The following CHN2 variants were observed in gnomAD, a reference collection of about 807,000 sequenced individuals.
CHN2 encodes beta-chimaerin.
In CHN2, 35 loss-of-function variants were observed where a neutral mutation model predicts 56.3. The ratio of observed to expected loss-of-function variants is 0.62; its 90% CI spans 0.47 to 0.82. The LOEUF is 0.82. Among genes scored for constraint, CHN2 ranks in the 40% least tolerant of loss-of-function variants. The pLI is 0.00. For missense variants in CHN2, 491 were observed against 580.5 expected (o/e 0.85, Z 1.58); for synonymous variants, 210 against 212.8 (o/e 0.99, Z 0.12).
intron 2 of CHN2, among the ~76,000 whole-genome samples, chr7:29,365,125 G>A (rs1799047339): frequency 6.6e-6 from 1 of 152,192 alleles, no homozygotes; most frequent in African/African-American, 2.4e-5. Context: ...ACGTACCATA[G>A]TTAATTTAAC....
chr7:29,172,354 T>C (rs986611073), intron 2 of CHN2, among the ~76,000 whole-genome samples: 1 of 152,236 alleles, frequency 6.6e-6, no homozygotes, highest in Non-Finnish European at 1.5e-5. Context: ...TTGTGACTTC[T>C]ACACCTAGGC....
At chr7:29,154,796 C>T (rs1031297658) in intron 2 of CHN2, among the ~76,000 whole-genome samples, 1 of 152,220 alleles carries the variant, frequency 6.6e-6, no homozygotes, top group Admixed American at 6.5e-5. Flanking sequence ...GATTACGCCA[C>T]TGCACTCCAG....
intron 6 of CHN2, among the ~76,000 whole-genome samples, chr7:29,458,389 A>G (rs1052617065): frequency 1.3e-5 from 2 of 148,342 alleles, no homozygotes; most frequent in Non-Finnish European, 3.0e-5. Context: ...ACACACACAC[A>G]CACACACACA....
At chr7:29,306,885 T>A (rs1321278422) in intron 1 of CHN2, among the ~76,000 whole-genome samples, 1 of 152,220 alleles carries the variant, frequency 6.6e-6, no homozygotes, top group East Asian at 1.9e-4. Context: ...TCTAACACAA[T>A]AATGAGTGTT....
intron 1 of CHN2, among the ~76,000 whole-genome samples, chr7:29,270,427 G>A (rs889605361): frequency 2.9e-5 from 3 of 105,128 alleles, no homozygotes; most frequent in African/African-American, 1.2e-4. Flanking sequence ...GCTGAGATGG[G>A]TGGATCATTT....
At chr7:29,459,478 C>T (rs559315967) in intron 6 of CHN2, among the ~76,000 whole-genome samples, 2 of 152,274 alleles carry the variant, frequency 1.3e-5, no homozygotes, top group East Asian at 3.9e-4. Context: ...AGCTCGCCTC[C>T]CCTGCAGGTT....
intron 3 of CHN2, among the ~76,000 whole-genome samples, chr7:29,384,272 T>C (rs1468484414): frequency 6.6e-6 from 1 of 152,210 alleles, no homozygotes; most frequent in Admixed American, 6.5e-5. Flanking sequence ...ATATCTGTTA[T>C]CCTTGAGCAA....
At position 29,194,827 on chromosome 7, in the gene CHN2, C is replaced by A; in HGVS notation, c.-115C>A. The A allele has an allele frequency of 1.0e-6, 1 of 964,930 alleles. No individual in the cohort carries two copies. The highest frequency in any genetic ancestry group is 1.4e-6 in the Non-Finnish European group (1 of 718,028). 59.8% of individuals were successfully genotyped at this position (964,930 alleles called of 1,614,324 possible). ...CGGAGGCTGGTGCTTTCTGCGCGTCCCCAGGACTTTGCCATGGGCTGGGGG... is the reference window on the plus strand; with the variant it reads ...CGGAGGCTGGTGCTTTCTGCGCGTCACCAGGACTTTGCCATGGGCTGGGGG... On this transcript the variant is annotated 5_prime_UTR_variant, in exon 1 of 13. Coordinates refer to ENST00000222792, the MANE Select transcript of CHN2 (RefSeq NM_004067.4).
intron 3 of CHN2, among the ~76,000 whole-genome samples, chr7:29,374,837 C>T (rs1385668532): frequency 6.7e-6 from 1 of 149,236 alleles, no homozygotes; most frequent in Admixed American, 6.7e-5. Flanking sequence ...TCCTTCCTTC[C>T]TTCCTTCCTT....
intron 1 of CHN2, among the ~76,000 whole-genome samples, chr7:29,238,175 G>A (rs1442240757): frequency 2.0e-5 from 3 of 151,614 alleles, no homozygotes; most frequent in Non-Finnish European, 2.9e-5. Flanking sequence ...GTGCCACCAC[G>A]CCCGGCTAAT....
chr7:29,423,229 T>G (rs1356479239), intron 6 of CHN2, among the ~76,000 whole-genome samples: 1 of 152,216 alleles, frequency 6.6e-6, no homozygotes, highest in Non-Finnish European at 1.5e-5. Flanking sequence ...TGGCCAGACT[T>G]GTCTCCCCTG....
At chr7:29,442,441 T>G (rs1783714614) in intron 6 of CHN2, among the ~76,000 whole-genome samples, 1 of 152,184 alleles carries the variant, frequency 6.6e-6, no homozygotes, top group Non-Finnish European at 1.5e-5. Context: ...GGGCTTTTAT[T>G]TCGAAGGTGG....
chr7:29,494,466 A>G (rs898106735), intron 7 of CHN2, among the ~76,000 whole-genome samples: 12 of 152,166 alleles, frequency 7.9e-5, no homozygotes, highest in African/African-American at 2.9e-4. Context: ...CTCTTTTAGT[A>G]CTGCATTCAA....
Position 29,378,630 on chromosome 7 carries a change from A to G in CHN2, c.144+10643A>G, listed in dbSNP as rs561849790. 2.0e-5 allele frequency among the ~76,000 whole-genome samples: 3 copies of G among 152,344 alleles called. No individual in the cohort carries two copies. In the South Asian group the frequency reaches 6.2e-4, roughly 32 times the overall value. On this transcript the variant is annotated intron_variant, in intron 3 of 12. Transcript: ENST00000222792. ...ATTTACTTTATAGCCCTTGCTAGAA[A>G]AAAGTTTGCCGACCCCTGGTCTTAC...
chr7:29,259,778 TG>T (rs1719303123), intron 1 of CHN2, among the ~76,000 whole-genome samples: 1 of 152,172 alleles, frequency 6.6e-6, no homozygotes, highest in Admixed American at 6.5e-5. Context: ...TTAATTAATT[TG>T]GTTGTGGTAA....
At chr7:29,166,218 G>C (rs11772603) in intron 2 of CHN2, among the ~76,000 whole-genome samples, 12 of 151,956 alleles carry the variant, frequency 7.9e-5, no homozygotes, top group African/African-American at 2.9e-4. Flanking sequence ...TGTTTTTGTA[G>C]AGGTGGGGTC....
chr7:29,443,248 T>C (rs1016843683), intron 6 of CHN2, among the ~76,000 whole-genome samples: 2 of 152,152 alleles, frequency 1.3e-5, no homozygotes, highest in Non-Finnish European at 2.9e-5. Flanking sequence ...CCCAATTTCA[T>C]TGAATTTCTA....
chr7:29,267,178 G>C (rs907889011), intron 1 of CHN2, among the ~76,000 whole-genome samples: 2 of 151,904 alleles, frequency 1.3e-5, no homozygotes, highest in Admixed American at 1.3e-4. Context: ...AATGCACAAC[G>C]CTGTATCTTT....
chr7:29,372,971 C>T (rs1283671083), intron 3 of CHN2, among the ~76,000 whole-genome samples: 10 of 151,976 alleles, frequency 6.6e-5, no homozygotes, highest in Non-Finnish European at 1.5e-4. Context: ...AAAGCAATTT[C>T]AAAAAAGGGA....
Sources: allele counts gnomAD v4.1 joint callset (sites outside exome capture counted in the v4.1 genomes callset), GRCh38; gene constraint gnomAD v4.1.1; transcripts MANE v1.5; gene names NCBI Gene and HGNC (gene_info 2026-07-23, HGNC 2026-07-21).